The following TRMO variants were observed in gnomAD, a reference collection of about 807,000 sequenced individuals.
The protein encoded by TRMO is tRNA (adenine(37)-N6)-methyltransferase.
In TRMO, 30 loss-of-function variants were observed where a neutral mutation model predicts 37.2. That is an observed-to-expected ratio of 0.81 (90% CI 0.60 to 1.09). The LOEUF (loss-of-function observed/expected upper bound fraction) is 1.09, where lower values mean the gene tolerates loss of function less well. Ranked by LOEUF, TRMO falls within the 50% of genes least tolerant of loss-of-function variation. TRMO has a pLI of 0.00. For synonymous variants in TRMO, 239 were observed against 199.4 expected, an observed-to-expected ratio of 1.20 and a Z score of -1.67; for missense variants, 552 against 549.5, an observed-to-expected ratio of 1.00 and a Z score of -0.05.
At chr9:97,911,030 G>A in intron 3 of TRMO, 1 of 454,200 alleles carries the variant, frequency 2.2e-6, no homozygotes, top group South Asian at 1.6e-5. Context: ...TTGTATCACT[G>A]GTGCTTCTGT....
At chr9:97,898,092 A>C in the TRMO span, among the ~76,000 whole-genome samples, 1 of 152,292 alleles carries the variant, frequency 6.6e-6, no homozygotes, top group Admixed American at 6.5e-5. Context: ...TTGTGGTGTA[A>C]GCTCATATGC....
intron 3 of TRMO, chr9:97,911,936 C>T (rs1826144028): frequency 6.6e-6 from 1 of 152,194 alleles, no homozygotes; most frequent in Non-Finnish European, 1.5e-5. Flanking sequence ...TGAGCTGGAA[C>T]TCTGGAAAGA....
intron 3 of TRMO, chr9:97,912,278 G>A (rs1213172288): frequency 6.6e-6 from 1 of 152,604 alleles, no homozygotes; most frequent in Non-Finnish European, 1.5e-5. Flanking sequence ...TATCTGACTT[G>A]ACCTTCCCAA....
At chr9:97,917,038 AC>A (rs1826402201) in intron 1 of TRMO, among the ~76,000 whole-genome samples, 2 of 151,892 alleles carry the variant, frequency 1.3e-5, no homozygotes, top group Admixed American at 1.3e-4. Context: ...TGATCCACCC[AC>A]CTCAACCTCC....
At chr9:97,913,585 A>C in intron 2 of TRMO, 27 bp from the exon 3 acceptor site, 1 of 1,464,870 alleles carries the variant, frequency 6.8e-7, no homozygotes, top group Non-Finnish European at 9.5e-7. Flanking sequence ...AAAACAAACC[A>C]CGGAATAAGA....
chr9:97,920,815 A>C (rs1826591249), intron 1 of TRMO, among the ~76,000 whole-genome samples: 2 of 152,188 alleles, frequency 1.3e-5, no homozygotes, highest in Admixed American at 1.3e-4. Flanking sequence ...CTCTAGACGA[A>C]TCCTCAACAC....
chr9:97,906,244 A>G (rs1323703684), intron 4 of TRMO, among the ~76,000 whole-genome samples: 1 of 152,054 alleles, frequency 6.6e-6, no homozygotes, highest in African/African-American at 2.4e-5. Context: ...CCACTCAAAA[A>G]TGAGGAGAGC....
chr9:97,917,491 G>A (rs1457563274), intron 1 of TRMO, among the ~76,000 whole-genome samples: 1 of 152,076 alleles, frequency 6.6e-6, no homozygotes, highest in Non-Finnish European at 1.5e-5. Context: ...AAAAATTCAT[G>A]TTGCATAGAA....
rs1441959732 is a variant in TRMO, at chr9:97,910,474, T to C, written c.552A>G (p.Thr184=). The C allele has an allele frequency of 6.2e-7, 1 of 1,613,996 alleles. No individual in the cohort carries two copies. Among genetic ancestry groups the C allele is most frequent in the Non-Finnish European group, 8.5e-7 (1 of 1,180,036 alleles). Residue 184 remains threonine, a synonymous_variant, in exon 4 of 5, where the codon ACA becomes ACG. Transcript: ENST00000375119. ...ADFNLQNNQH[T]PNTVSQSDSK... ...TGTCAGACTGGGACACAGTGTTTGG[T>C]GTATGTTGGTTATTCTGTAAATTAA... is the stretch of plus-strand genomic sequence containing the variant.
intron 1 of TRMO, among the ~76,000 whole-genome samples, chr9:97,916,690 T>C (rs932478820): frequency 1.3e-5 from 2 of 150,568 alleles, no homozygotes; most frequent in Non-Finnish European, 3.0e-5. Flanking sequence ...GCCAGGGCTA[T>C]GAGCGTATTT....
At chr9:97,903,218 T>C (rs2131509869), downstream of TRMO, among the ~76,000 whole-genome samples, 2 of 152,064 alleles carry the variant, frequency 1.3e-5, no homozygotes, top group South Asian at 4.1e-4. Context: ...CAGTGAGCTA[T>C]GATCAGGCTA....
chr9:97,922,331 G>C (rs769537109), intron 1 of TRMO, 87 bp downstream of exon 1: 1 of 872,912 alleles, frequency 1.1e-6, no homozygotes, highest in South Asian at 1.5e-5. Context: ...GTTCCAGATC[G>C]TGCGTTTTAC....
chr9:97,903,946 G>A (rs1367802110), downstream of TRMO, among the ~76,000 whole-genome samples: 1 of 152,168 alleles, frequency 6.6e-6, no homozygotes, highest in Admixed American at 6.5e-5. Flanking sequence ...GCCAGGCATG[G>A]TGGCGCACGC....
chr9:97,911,870 T>C (rs1255657705), intron 3 of TRMO: 3 of 152,192 alleles, frequency 2.0e-5, no homozygotes, highest in African/African-American at 4.8e-5. Flanking sequence ...TCCGTCTCCA[T>C]TTAAGAAAAA....
intron 2 of TRMO, chr9:97,915,889 G>A (rs1182780801): frequency 1.2e-5 from 3 of 253,072 alleles, no homozygotes; most frequent in Admixed American, 5.5e-5. Flanking sequence ...ATACAAAAAA[G>A]AATTAGCCAG....
At chr9:97,903,071 A>C (rs184096091), downstream of TRMO, among the ~76,000 whole-genome samples, 12 of 152,252 alleles carry the variant, frequency 7.9e-5, no homozygotes, top group Admixed American at 2.0e-4. Flanking sequence ...GTTCAAGACC[A>C]GCCTGGGCAA....
At position 97,922,363 on chromosome 9, in the gene TRMO, C is replaced by A. The variant is rs3824496; in HGVS notation, c.76+55G>T. 114 of 1,262,444 alleles carry A rather than the reference C, an allele frequency of 9.0e-5. 1 individual carries two copies. Among genetic ancestry groups the A allele is most frequent in the South Asian group, 3.8e-4 (30 of 78,028 alleles). The allele number at this position is 1,262,444 out of a possible 1,614,324, so 78.2% of individuals were successfully genotyped here. A position where few individuals can be genotyped will look rare whatever the true frequency, so the allele number is the denominator to read the frequency against. Reference sequence around the variant, plus strand: ...TTACACCCCTCTCGGCAACGAAGTCCGCTGCCTGGGCCTAAACCTCTCCAG... The same window carrying A: ...TTACACCCCTCTCGGCAACGAAGTCAGCTGCCTGGGCCTAAACCTCTCCAG... On this transcript the variant is annotated intron_variant, in intron 1 of 4. Transcript: ENST00000375119.
chr9:97,922,360 G>T lies in TRMO; in HGVS notation c.76+58C>A. 5.7e-6 allele frequency: 7 copies of T among 1,219,152 alleles called. No individual in the cohort carries two copies. In the South Asian group the frequency reaches 6.5e-5, roughly 11 times the overall value. 75.5% of individuals were successfully genotyped at this position (1,219,152 alleles called of 1,614,324 possible). A position where few individuals can be genotyped will look rare whatever the true frequency, so the allele number is the denominator to read the frequency against. The stretch of plus-strand genomic sequence containing the variant: ...GTTTTACACCCCTCTCGGCAACGAA[G>T]TCCGCTGCCTGGGCCTAAACCTCTC... On this transcript the variant is annotated intron_variant, in intron 1 of 4. Coordinates refer to ENST00000375119, the MANE Select transcript of TRMO (RefSeq NM_016481.5).
intron 4 of TRMO, 116 bp from the exon 5 acceptor site, chr9:97,905,108 T>C (rs1191613346): frequency 1.5e-5 from 16 of 1,103,352 alleles, no homozygotes; most frequent in Non-Finnish European, 2.0e-5. Flanking sequence ...ATGGACAGGG[T>C]TTGGAAAACT....
Sources: allele counts gnomAD v4.1 joint callset (sites outside exome capture counted in the v4.1 genomes callset), GRCh38; gene constraint gnomAD v4.1.1; transcripts MANE v1.5; gene names NCBI Gene and HGNC (gene_info 2026-07-23, HGNC 2026-07-21).